HSDL2: variants seen among roughly 807,000 people sequenced by gnomAD.
HSDL2 encodes hydroxysteroid dehydrogenase like 2, also known as hydroxysteroid dehydrogenase-like protein 2.
In HSDL2, 27 loss-of-function variants were observed where a neutral mutation model predicts 46.3. The observed-to-expected ratio is 0.58, with a 90% confidence interval of 0.43 to 0.80. HSDL2 has a LOEUF of 0.80. HSDL2 is among the 30% of genes least tolerant of loss of function. The pLI, the probability that HSDL2 is intolerant of heterozygous loss-of-function variation, is 0.00. For synonymous variants in HSDL2, 153 were observed against 163.6 expected, an observed-to-expected ratio of 0.94 and a Z score of 0.50; for missense variants, 451 against 502.7, an observed-to-expected ratio of 0.90 and a Z score of 0.98.
rs143180154 is a variant in HSDL2, at chr9:112,429,553, C to T, written c.599-8878C>T. ...TTTTATTCATACAATAAACATTCAT[C>T]GGACACTTATTTTATGCCAAGCTGT... On this transcript the variant is annotated intron_variant, in intron 6 of 10. Transcript: ENST00000398805. Among the ~76,000 whole-genome samples the T allele has an allele frequency of 4.6e-5, 7 of 152,286 alleles. No homozygotes were observed. The East Asian group carries it at 9.6e-4, about 21-fold the overall frequency.
rs188081610 is a variant in HSDL2, at chr9:112,413,792, A to G, written c.396-3049A>G. ...ATTTACTCAGCAAGGCCGTTTTTAT[A>G]CTTTCTGCAGAAAGGGTATACTTGC... is the stretch of plus-strand genomic sequence containing the variant. On this transcript the variant is annotated intron_variant, in intron 4 of 10. Coordinates refer to ENST00000398805, the MANE Select transcript of HSDL2 (RefSeq NM_032303.5). Among the ~76,000 whole-genome samples the G allele has an allele frequency of 5.3e-3, 801 of 152,234 alleles. 11 individuals carry two copies. The highest frequency in any genetic ancestry group is 0.018 in the African/African-American group (757 of 41,544).
intron 6 of HSDL2, among the ~76,000 whole-genome samples, chr9:112,434,565 T>G (rs1344197192): frequency 6.6e-6 from 1 of 152,342 alleles, no homozygotes; most frequent in South Asian, 2.1e-4. Context: ...TATATCATAG[T>G]TTAATTGGCA....
intron 6 of HSDL2, among the ~76,000 whole-genome samples, chr9:112,437,242 G>A (rs1832547961): frequency 6.6e-6 from 1 of 152,022 alleles, no homozygotes; most frequent in South Asian, 2.1e-4. Flanking sequence ...TTACAGGCGT[G>A]AGCCACCGCA....
In HSDL2 at chr9:112,472,323, T is replaced by TA. The variant is rs1833597062; in HGVS notation, c.*1780dup. 2.0e-5 allele frequency: 3 copies of TA among 152,280 alleles called. No individual in the cohort carries two copies. Among genetic ancestry groups the TA allele is most frequent in the Admixed American group, 2.0e-4 (3 of 15,290 alleles). The allele number at this position is 152,280 out of a possible 1,614,324, so 9.4% of individuals were successfully genotyped here. On this transcript the variant is annotated 3_prime_UTR_variant, in exon 11 of 11. Transcript: ENST00000398805. The stretch of plus-strand genomic sequence containing the variant: ...TTTACAAATGCAGACCATTCTATCA[T>TA]ACCTGGCGGGGCTTCTGTTTTATTT...
chr9:112,412,310 GA>G (rs1831890013), intron 4 of HSDL2, among the ~76,000 whole-genome samples: 1 of 152,186 alleles, frequency 6.6e-6, no homozygotes, highest in African/African-American at 2.4e-5. Flanking sequence ...TTCATGACAT[GA>G]AATGACTTCC....
At chr9:112,424,008 C>G (rs1218894545) in intron 6 of HSDL2, among the ~76,000 whole-genome samples, 1 of 151,692 alleles carries the variant, frequency 6.6e-6, no homozygotes, top group East Asian at 2.0e-4. Flanking sequence ...GCCACCACAC[C>G]TGGCCTAGAT....
At chr9:112,421,546 A>G (rs1212155574) in intron 6 of HSDL2, among the ~76,000 whole-genome samples, 1 of 151,938 alleles carries the variant, frequency 6.6e-6, no homozygotes, top group East Asian at 1.9e-4. Flanking sequence ...CATATTCTTC[A>G]TTACATTTAA....
At chr9:112,430,790 A>G (rs372034604) in intron 6 of HSDL2, among the ~76,000 whole-genome samples, 1 of 152,158 alleles carries the variant, frequency 6.6e-6, no homozygotes, top group African/African-American at 2.4e-5. Flanking sequence ...GGTGGCTCGC[A>G]TCTGTAATCC....
intron 6 of HSDL2, among the ~76,000 whole-genome samples, chr9:112,425,988 A>C (rs939535035): frequency 1.3e-5 from 2 of 152,064 alleles, no homozygotes; most frequent in African/African-American, 2.4e-5. Flanking sequence ...AAATCCTTGC[A>C]CCTCGGCCTC....
chr9:112,396,639 T>C (rs935787505), intron 1 of HSDL2, among the ~76,000 whole-genome samples: 2 of 152,270 alleles, frequency 1.3e-5, no homozygotes, highest in South Asian at 4.1e-4. Context: ...GTGATTCCTT[T>C]AGTAGTAGTG....
At chr9:112,455,061 C>G (rs545897674) in intron 9 of HSDL2, among the ~76,000 whole-genome samples, 1 of 152,134 alleles carries the variant, frequency 6.6e-6, no homozygotes, top group Non-Finnish European at 1.5e-5. Context: ...AAAATTTACA[C>G]GTTAATAATA....
At position 112,408,972 on chromosome 9, in the gene HSDL2, A is replaced by G. The variant is rs1242798901; in HGVS notation, c.346A>G (p.Lys116Glu). Residue 116 changes from lysine to glutamate, a missense_variant, in exon 4 of 11, where the codon AAG becomes GAG. By Grantham distance (56) the Lys-to-Glu change is moderately conservative. Transcript: ENST00000398805. ...SLTNTLDTPT[K>E]RLDLMMNVNT... is the part of the protein sequence containing the mutation. ...GACCAATACATTGGACACACCTACC[A>G]AGAGATTGGATCTGATGATGAACGT... The G allele has an allele frequency of 5.0e-6, 8 of 1,610,484 alleles. No individual in the cohort carries two copies. The East Asian group carries it at 1.6e-4, about 32-fold the overall frequency.
At chr9:112,450,254 A>ACCCC (rs751543667) in intron 8 of HSDL2, among the ~76,000 whole-genome samples, 2 of 17,776 alleles carry the variant, frequency 1.1e-4, no homozygotes, top group African/African-American at 2.7e-4. Context: ...ACATAGCGAG[A>ACCCC]CCCCCCCCCC....
chr9:112,423,117 A>G (rs896454627), intron 6 of HSDL2, among the ~76,000 whole-genome samples: 12 of 152,336 alleles, frequency 7.9e-5, no homozygotes, highest in Middle Eastern at 3.4e-3. Context: ...AGGAGAGAAA[A>G]TAATGGCTGG....
intron 7 of HSDL2, among the ~76,000 whole-genome samples, chr9:112,440,784 G>C (rs1209966634): frequency 1.3e-5 from 2 of 152,142 alleles, no homozygotes; most frequent in Non-Finnish European, 2.9e-5. Flanking sequence ...TGAGGTGGGT[G>C]GATATCCTAG....
At chr9:112,431,069 AAAATTTAAAAAAAATAAAG>A (rs917795626) in intron 6 of HSDL2, among the ~76,000 whole-genome samples, 26 of 151,550 alleles carry the variant, frequency 1.7e-4, no homozygotes, top group Non-Finnish European at 3.4e-4. Flanking sequence ...AAAAAAAAAA[AAAATTTAAAAAAAATAAAG>A]ATTTCTGGCT....
chr9:112,420,911 C>T (rs548188813), intron 6 of HSDL2, among the ~76,000 whole-genome samples: 10 of 151,480 alleles, frequency 6.6e-5, no homozygotes, highest in East Asian at 1.9e-4. Context: ...TCAGCCTCAA[C>T]GTGTGTGTTT....
chr9:112,398,158 T>G (rs1831503011), intron 1 of HSDL2, among the ~76,000 whole-genome samples: 1 of 151,768 alleles, frequency 6.6e-6, no homozygotes, highest in Admixed American at 6.6e-5. Flanking sequence ...TACTGGTGAT[T>G]ATTGGCTCAA....
chr9:112,466,626 AT>A lies in HSDL2; in HGVS notation c.1145-3800del, dbSNP rs1334166944. On this transcript the variant is annotated intron_variant, in intron 10 of 10. Transcript: ENST00000398805. The stretch of plus-strand genomic sequence containing the variant: ...ACATGATTTACAAATGCTTTTTCAC[AT>A]TTTTTGTAGGTTGTTTTTTCACTTT... Among the ~76,000 whole-genome samples the A allele has an allele frequency of 4.0e-5, 6 of 151,292 alleles. No individual in the cohort carries two copies. In the East Asian group the frequency reaches 1.2e-3, roughly 29 times the overall value.
Sources: allele counts gnomAD v4.1 joint callset (sites outside exome capture counted in the v4.1 genomes callset), GRCh38; gene constraint gnomAD v4.1.1; transcripts MANE v1.5; gene names NCBI Gene and HGNC (gene_info 2026-07-23, HGNC 2026-07-21).